The following DPF3 variants were observed in gnomAD, a reference collection of about 807,000 sequenced individuals.
DPF3 encodes double PHD fingers 3, also known as zinc finger protein DPF3.
DPF3 carries 18 observed loss-of-function variants against 56.8 expected under a neutral mutation model. That is an observed-to-expected ratio of 0.32 (90% confidence interval 0.22 to 0.47). The LOEUF (loss-of-function observed/expected upper bound fraction) is 0.47, where lower values mean the gene tolerates loss of function less well. Among genes scored for constraint, DPF3 ranks in the 20% least tolerant of loss-of-function variants. The pLI, the probability that DPF3 is intolerant of heterozygous loss-of-function variation, is 1.00. For synonymous variants in DPF3, 188 were observed against 180.2 expected (o/e 1.04, Z -0.35); for missense variants, 403 against 488.8 (o/e 0.82, Z 1.65).
chr14:72,624,014 C>G (rs563869919), intron 9 of DPF3, among the ~76,000 whole-genome samples: 5 of 152,110 alleles, frequency 3.3e-5, no homozygotes, highest in Non-Finnish European at 7.3e-5. Flanking sequence ...AAAGATGGGA[C>G]AATTTTACCT....
At chr14:72,883,849 C>T (rs1285790101) in intron 1 of DPF3, among the ~76,000 whole-genome samples, 2 of 148,792 alleles carry the variant, frequency 1.3e-5, no homozygotes, top group African/African-American at 2.5e-5. Flanking sequence ...ATCACTTGAA[C>T]GTGGGAGGCA....
At chr14:72,857,520 A>G (rs1306195487) in intron 1 of DPF3, among the ~76,000 whole-genome samples, 1 of 152,210 alleles carries the variant, frequency 6.6e-6, no homozygotes, top group African/African-American at 2.4e-5. Context: ...ACAAATAATA[A>G]TAACTACAAT....
At chr14:72,671,475 G>A (rs772896896) in intron 8 of DPF3, 10 of 1,240,808 alleles carry the variant, frequency 8.1e-6, no homozygotes, top group Non-Finnish European at 1.2e-5. Context: ...TTAACCCGGT[G>A]CATCACCTGG....
chr14:72,713,878 GAAGC>G (rs777455891), intron 6 of DPF3, among the ~76,000 whole-genome samples: 28 of 152,158 alleles, frequency 1.8e-4, no homozygotes, highest in Admixed American at 6.5e-5. Context: ...AGATGTTTCT[GAAGC>G]AAGCAAGAAA....
In DPF3 at chr14:72,894,046, G is replaced by C; in HGVS notation, c.32+11C>G. 1 of 1,609,820 alleles carries C rather than the reference G, an allele frequency of 6.2e-7. No individual in the cohort carries two copies. Among genetic ancestry groups the C allele is most frequent in the Non-Finnish European group, 8.5e-7 (1 of 1,178,552 alleles). The stretch of plus-strand genomic sequence containing the variant: ...CCACGCGGAATATGTACATTTTTTA[G>C]TCTTACTTACGCTTTCAGGGGGTTG... On this transcript the variant is annotated intron_variant, in intron 1 of 10. Transcript: ENST00000556509.
At chr14:72,644,583 T>C (rs1346075223) in intron 8 of DPF3, among the ~76,000 whole-genome samples, 2 of 152,238 alleles carry the variant, frequency 1.3e-5, no homozygotes, top group Non-Finnish European at 2.9e-5. Flanking sequence ...TCAGGTTTAA[T>C]AGAAATGATG....
At chr14:72,688,635 G>C (rs1285765501) in intron 7 of DPF3, among the ~76,000 whole-genome samples, 1 of 152,212 alleles carries the variant, frequency 6.6e-6, no homozygotes, top group Non-Finnish European at 1.5e-5. Context: ...ATGCTTCTGA[G>C]TGTATCTTTC....
At position 72,835,980 on chromosome 14, in the gene DPF3, G is replaced by A. The variant is rs148593330; in HGVS notation, c.32+58077C>T. On this transcript the variant is annotated intron_variant, in intron 1 of 10. Transcript: ENST00000556509. ...TGTGCGTTGTGTTCAAGATACACCCGCCGGAGACCACATTCCCAGACATCC... is the reference window on the plus strand; with the variant it reads ...TGTGCGTTGTGTTCAAGATACACCCACCGGAGACCACATTCCCAGACATCC... 643 of 906,622 alleles carry A rather than the reference G, an allele frequency of 7.1e-4. 5 individuals carry two copies. In the African/African-American group the frequency reaches 0.01, roughly 15 times the overall value. The allele number at this position is 906,622 out of a possible 1,614,324, so 56.2% of individuals were successfully genotyped here. A position where few individuals can be genotyped will look rare whatever the true frequency, so the allele number is the denominator to read the frequency against.
intron 1 of DPF3, among the ~76,000 whole-genome samples, chr14:72,847,756 C>G (rs932681116): frequency 1.3e-5 from 2 of 152,202 alleles, no homozygotes; most frequent in African/African-American, 4.8e-5. Flanking sequence ...AGGTGATCCA[C>G]CCGCCTCAGC....
chr14:72,751,983 C>T (rs1410173378), intron 3 of DPF3, among the ~76,000 whole-genome samples: 2 of 152,156 alleles, frequency 1.3e-5, no homozygotes, highest in African/African-American at 4.8e-5. Flanking sequence ...GAATCTGGCA[C>T]CCACTCACCC....
chr14:72,685,768 T>C (rs2153572108), intron 7 of DPF3, among the ~76,000 whole-genome samples: 3 of 152,334 alleles, frequency 2.0e-5, no homozygotes, highest in Middle Eastern at 6.8e-3. Context: ...TTGCCACTGT[T>C]GCTGTTTGGT....
At chr14:72,824,939 G>A (rs1016378390) in intron 1 of DPF3, among the ~76,000 whole-genome samples, 1 of 151,984 alleles carries the variant, frequency 6.6e-6, no homozygotes, top group Non-Finnish European at 1.5e-5. Context: ...CCAGGTTGGA[G>A]TGCAGTGGCT....
chr14:72,710,841 G>T (rs1888623581), intron 6 of DPF3, among the ~76,000 whole-genome samples: 1 of 152,228 alleles, frequency 6.6e-6, no homozygotes. Flanking sequence ...GTAATTAAAA[G>T]AGACTGGTTA....
intron 6 of DPF3, among the ~76,000 whole-genome samples, chr14:72,694,038 C>A (rs1407354319): frequency 2.0e-5 from 3 of 152,154 alleles, no homozygotes; most frequent in Non-Finnish European, 2.9e-5. Context: ...GCAGTTTGAG[C>A]CAAGGGCAGC....
intron 1 of DPF3, among the ~76,000 whole-genome samples, chr14:72,843,917 A>G (rs1367262587): frequency 1.3e-5 from 2 of 152,148 alleles, no homozygotes; most frequent in East Asian, 3.8e-4. Flanking sequence ...AACTCATTCC[A>G]TCTCTATCTA....
intron 1 of DPF3, among the ~76,000 whole-genome samples, chr14:72,806,341 A>G (rs577915401): frequency 7.2e-5 from 11 of 152,250 alleles, no homozygotes; most frequent in Admixed American, 5.9e-4. Flanking sequence ...TGAAACACTC[A>G]GAGCCTTGAT....
intron 8 of DPF3, chr14:72,670,796 C>A (rs1886638046): frequency 9.1e-7 from 1 of 1,100,370 alleles, no homozygotes; most frequent in African/African-American, 1.7e-5. Flanking sequence ...GACATCAACT[C>A]TGCTCCTGTC....
At chr14:72,715,059 C>T (rs1047718724) in intron 5 of DPF3, among the ~76,000 whole-genome samples, 29 of 152,194 alleles carry the variant, frequency 1.9e-4, no homozygotes, top group African/African-American at 6.8e-4. Flanking sequence ...CATCCAGGCC[C>T]AGTGCACGAG....
At chr14:72,730,405 G>T (rs547074859) in intron 4 of DPF3, among the ~76,000 whole-genome samples, 35 of 152,306 alleles carry the variant, frequency 2.3e-4, no homozygotes, top group Admixed American at 9.8e-4. Flanking sequence ...AAGCCATGTT[G>T]TGGCAACTCA....
Sources: allele counts gnomAD v4.1 joint callset (sites outside exome capture counted in the v4.1 genomes callset), GRCh38; gene constraint gnomAD v4.1.1; transcripts MANE v1.5; gene names NCBI Gene and HGNC (gene_info 2026-07-23, HGNC 2026-07-21).